Variants in NEGR1 observed in about 807,000 individuals in gnomAD.
NEGR1 encodes the protein neuronal growth regulator 1, also known as IgLON family member 4.
NEGR1 carries 10 observed loss-of-function variants against 40.9 expected under a neutral mutation model. The ratio of observed to expected loss-of-function variants is 0.24; its 90% CI spans 0.15 to 0.42. NEGR1 has a LOEUF of 0.42. Ranked by LOEUF, NEGR1 falls within the 10% of genes least tolerant of loss-of-function variation. The pLI is 1.00. For missense variants in NEGR1, 352 were observed against 438.9 expected, an observed-to-expected ratio of 0.80 and a Z score of 1.77; for synonymous variants, 185 against 166.8, an observed-to-expected ratio of 1.11 and a Z score of -0.84.
At chr1:72,057,189 A>G (rs769126995) in intron 1 of NEGR1, among the ~76,000 whole-genome samples, 2 of 151,650 alleles carry the variant, frequency 1.3e-5, no homozygotes, top group Non-Finnish European at 3.0e-5. Context: ...TGGATAAAAT[A>G]ATTAATTACA....
intron 3 of NEGR1, among the ~76,000 whole-genome samples, chr1:71,751,339 G>C (rs924828600): frequency 2.6e-5 from 4 of 152,128 alleles, no homozygotes; most frequent in Non-Finnish European, 5.9e-5. Flanking sequence ...TTAGATTTCA[G>C]TATAATTTGA....
intron 4 of NEGR1, among the ~76,000 whole-genome samples, chr1:71,689,381 T>A (rs1653175876): frequency 6.6e-6 from 1 of 152,162 alleles, no homozygotes; most frequent in Admixed American, 6.6e-5. Context: ...TTCCCTCATT[T>A]TCTAAATGGG....
chr1:71,415,236 C>A (rs1646347788), intron 6 of NEGR1, among the ~76,000 whole-genome samples: 1 of 151,738 alleles, frequency 6.6e-6, no homozygotes, highest in Admixed American at 6.6e-5. Flanking sequence ...TACAGAAAAT[C>A]TCTCTATTTT....
intron 2 of NEGR1, among the ~76,000 whole-genome samples, chr1:71,780,145 A>C (rs1656661444): frequency 6.6e-6 from 1 of 151,654 alleles, no homozygotes; most frequent in East Asian, 1.9e-4. Flanking sequence ...CTTATTTCAG[A>C]CTCCCTCACA....
chr1:72,122,863 C>T (rs1038923292), intron 1 of NEGR1, among the ~76,000 whole-genome samples: 2 of 151,760 alleles, frequency 1.3e-5, no homozygotes, highest in Admixed American at 6.6e-5. Context: ...TGTTAGATCA[C>T]GATTAAACTG....
chr1:71,466,187 C>T (rs144198177), intron 6 of NEGR1, among the ~76,000 whole-genome samples: 5 of 152,044 alleles, frequency 3.3e-5, no homozygotes, highest in Non-Finnish European at 7.4e-5. Context: ...TGGTGCCTGG[C>T]ACACATTATG....
chr1:71,612,858 T>C (rs1206122218), intron 4 of NEGR1, among the ~76,000 whole-genome samples: 1 of 152,130 alleles, frequency 6.6e-6, no homozygotes, highest in Non-Finnish European at 1.5e-5. Flanking sequence ...AAGATTGGTG[T>C]GGCCGACACA....
At chr1:71,933,483 C>T (rs1257206602) in intron 2 of NEGR1, among the ~76,000 whole-genome samples, 1 of 151,974 alleles carries the variant, frequency 6.6e-6, no homozygotes, top group Non-Finnish European at 1.5e-5. Context: ...AGTATACTTT[C>T]TTTTTTCACA....
chr1:72,093,862 T>C (rs1648593956), intron 1 of NEGR1, among the ~76,000 whole-genome samples: 1 of 152,180 alleles, frequency 6.6e-6, no homozygotes, highest in African/African-American at 2.4e-5. Flanking sequence ...AGCAAACATT[T>C]TAGCACTTCT....
chr1:71,481,386 A>C (rs551813459), intron 6 of NEGR1, among the ~76,000 whole-genome samples: 1 of 152,038 alleles, frequency 6.6e-6, no homozygotes, highest in African/African-American at 2.4e-5. Flanking sequence ...ATGATTTTTC[A>C]AGACCTAAAT....
At chr1:72,158,596 T>A (rs1469527092) in intron 1 of NEGR1, among the ~76,000 whole-genome samples, 1 of 152,198 alleles carries the variant, frequency 6.6e-6, no homozygotes, top group Non-Finnish European at 1.5e-5. Flanking sequence ...TTCTCCTCTG[T>A]CTGTGCCAGA....
intron 1 of NEGR1, among the ~76,000 whole-genome samples, chr1:72,072,024 T>A (rs954765065): frequency 6.6e-6 from 1 of 152,146 alleles, no homozygotes; most frequent in African/African-American, 2.4e-5. Flanking sequence ...AAACTCTTAA[T>A]ATGAATGTGT....
intron 1 of NEGR1, among the ~76,000 whole-genome samples, chr1:72,149,558 A>G (rs547171984): frequency 2.0e-5 from 3 of 152,244 alleles, no homozygotes; most frequent in East Asian, 1.9e-4. Context: ...AGCACAATCA[A>G]TTAATTCAAT....
chr1:71,978,267 C>T (rs1439376647), intron 1 of NEGR1, among the ~76,000 whole-genome samples: 1 of 152,108 alleles, frequency 6.6e-6, no homozygotes, highest in Non-Finnish European at 1.5e-5. Context: ...AGTGTTTGTT[C>T]TCTTTGAGTG....
rs139732430 is a variant in NEGR1, at chr1:72,149,842, T to C, written c.176+132477A>G. On this transcript the variant is annotated intron_variant, in intron 1 of 6. Transcript: ENST00000357731. ...GTTGTGGTGAGCCGAGATGTTGCCA[T>C]TGCACTCCAGCCTGGGCAACAAGAA... is the stretch of plus-strand genomic sequence containing the variant. Among the ~76,000 whole-genome samples, 77 of 134,342 alleles carry C rather than the reference T, an allele frequency of 5.7e-4. No individual in the cohort carries two copies. The East Asian group carries it at 0.015, about 26-fold the overall frequency. The allele number at this position is 134,342 out of a possible 152,430, so 88.1% of individuals were successfully genotyped here. A position where few individuals can be genotyped will look rare whatever the true frequency, so the allele number is the denominator to read the frequency against.
chr1:72,188,831 T>A (rs1421583018), intron 1 of NEGR1, among the ~76,000 whole-genome samples: 1 of 151,542 alleles, frequency 6.6e-6, no homozygotes, highest in Non-Finnish European at 1.5e-5. Context: ...AGTAAGGCCA[T>A]CAAGTTAGGA....
At chr1:71,753,310 A>C (rs1429322004) in intron 3 of NEGR1, among the ~76,000 whole-genome samples, 1 of 152,176 alleles carries the variant, frequency 6.6e-6, no homozygotes, top group Non-Finnish European at 1.5e-5. Context: ...TTTATCATTC[A>C]TTCAAATATA....
rs184315201 is a variant in NEGR1 at position 71,671,806 on chromosome 1, C to A, written c.667+26202G>T. Among the ~76,000 whole-genome samples the A allele has an allele frequency of 4.1e-4, 62 of 152,090 alleles. 2 individuals are homozygous for A. In the East Asian group the frequency reaches 0.011, roughly 27 times the overall value. On this transcript the variant is annotated intron_variant, in intron 4 of 6. Coordinates refer to ENST00000357731, the MANE Select transcript of NEGR1 (RefSeq NM_173808.3). ...TACCCAATTAATCATACTTGCCAGACAACATCTTATTTAACTACTCTCACT... is the reference window on the plus strand; with the variant it reads ...TACCCAATTAATCATACTTGCCAGAAAACATCTTATTTAACTACTCTCACT...
chr1:71,572,717 C>T (rs1179898146), intron 6 of NEGR1, among the ~76,000 whole-genome samples: 1 of 152,218 alleles, frequency 6.6e-6, no homozygotes, highest in Admixed American at 6.5e-5. Flanking sequence ...ACCTACTCGA[C>T]GTTGGAGTTA....
Sources: gnomAD v4.1 joint callset for allele counts (sites outside exome capture counted in the v4.1 genomes callset) on GRCh38, gnomAD v4.1.1 for gene constraint, MANE v1.5 for transcripts, NCBI Gene and HGNC (gene_info 2026-07-23, HGNC 2026-07-21) for gene names.